Variants in WDR49 observed in about 807,000 individuals in gnomAD.
The protein encoded by WDR49 is WD repeat domain 49.
A neutral mutation model predicts 119.5 loss-of-function variants in WDR49; 107 were observed. The ratio of observed to expected loss-of-function variants is 0.90; its 90% CI spans 0.77 to 1.05. WDR49 has a LOEUF of 1.05. WDR49 is among the 50% of genes least tolerant of loss of function. WDR49 has a pLI of 0.00. For synonymous variants in WDR49, 425 were observed against 418.8 expected (o/e 1.01, Z -0.18); for missense variants, 1,240 against 1,220.5 (o/e 1.02, Z -0.24).
At chr3:167,565,097 G>A (rs750947192) in intron 8 of WDR49, among the ~76,000 whole-genome samples, 7 of 152,004 alleles carry the variant, frequency 4.6e-5, no homozygotes, top group Non-Finnish European at 8.8e-5. Context: ...CAGTGAATAG[G>A]GAGGTGAAGA....
intron 9 of WDR49, among the ~76,000 whole-genome samples, 193 bp from the exon 10 acceptor site, chr3:167,554,991 T>C (rs1313308950): frequency 6.6e-6 from 1 of 152,128 alleles, no homozygotes; most frequent in African/African-American, 2.4e-5. Flanking sequence ...CACAATAACT[T>C]TTAAAATCCT....
chr3:167,565,063 A>G (rs1713515488), intron 8 of WDR49, among the ~76,000 whole-genome samples: 1 of 152,136 alleles, frequency 6.6e-6, no homozygotes, highest in African/African-American at 2.4e-5. Context: ...TCCATTTTGT[A>G]GAAAATCTCT....
At chr3:167,571,249 G>A (rs986680835) in intron 8 of WDR49, among the ~76,000 whole-genome samples, 17 of 152,006 alleles carry the variant, frequency 1.1e-4, no homozygotes, top group Non-Finnish European at 2.4e-4. Flanking sequence ...CATGCTTCTG[G>A]ATTATGAAAA....
chr3:167,506,871 A>G (rs1751790464), intron 16 of WDR49, among the ~76,000 whole-genome samples: 1 of 152,110 alleles, frequency 6.6e-6, no homozygotes, highest in South Asian at 2.1e-4. Flanking sequence ...TTTTTTTGGT[A>G]GAATATCCCT....
chr3:167,615,235 G>A (rs959358894), intron 5 of WDR49, among the ~76,000 whole-genome samples: 2 of 152,080 alleles, frequency 1.3e-5, no homozygotes, highest in Admixed American at 1.3e-4. Flanking sequence ...CCTGGGCTCA[G>A]GTGATCCTCC....
intron 2 of WDR49, among the ~76,000 whole-genome samples, chr3:167,639,800 G>T (rs1434652369): frequency 6.6e-6 from 1 of 151,634 alleles, no homozygotes. Context: ...TCATTCTTTT[G>T]TTCTGCCATC....
chr3:167,557,727 T>C (rs1713018949), intron 9 of WDR49, among the ~76,000 whole-genome samples: 1 of 137,380 alleles, frequency 7.3e-6, no homozygotes, highest in East Asian at 2.0e-4. Flanking sequence ...CACTGCAGCC[T>C]GGGCAACAGA....
At position 167,602,122 on chromosome 3, in the gene WDR49, C is replaced by T; in HGVS notation, c.1275+5G>A. 6.3e-7 allele frequency: 1 copy of T among 1,582,830 alleles called. No homozygotes were observed. On this transcript the variant is annotated splice_donor_5th_base_variant and intron_variant, in intron 7 of 18. Transcript: ENST00000682715. ...TAAATTAATTAAAAGCACAATGTTACTTACTTTATCCTTGGAGAAGCTGAA... is the reference window on the plus strand; with the variant it reads ...TAAATTAATTAAAAGCACAATGTTATTTACTTTATCCTTGGAGAAGCTGAA...
At chr3:167,529,418 T>A (rs1222628030) in intron 13 of WDR49, among the ~76,000 whole-genome samples, 179 bp from the exon 14 acceptor site, 1 of 152,108 alleles carries the variant, frequency 6.6e-6, no homozygotes, top group Non-Finnish European at 1.5e-5. Flanking sequence ...TATGATAACC[T>A]CACTGGTTTG....
At chr3:167,608,230 A>G (rs1716156446) in intron 5 of WDR49, among the ~76,000 whole-genome samples, 1 of 152,234 alleles carries the variant, frequency 6.6e-6, no homozygotes, top group Non-Finnish European at 1.5e-5. Flanking sequence ...TCAGTAAGGC[A>G]ATATTATAAG....
At chr3:167,541,092 G>A (rs986963071) in intron 10 of WDR49, among the ~76,000 whole-genome samples, 1 of 152,000 alleles carries the variant, frequency 6.6e-6, no homozygotes, top group Non-Finnish European at 1.5e-5. Context: ...GTGTTCCTGA[G>A]GAAGAAGATA....
intron 7 of WDR49, among the ~76,000 whole-genome samples, chr3:167,597,585 A>G (rs537780449): frequency 6.6e-6 from 1 of 151,832 alleles, no homozygotes; most frequent in East Asian, 2.0e-4. Context: ...AGCCACACAC[A>G]CTCAACACCA....
At chr3:167,485,678 T>C (rs1750893738) in intron 18 of WDR49, among the ~76,000 whole-genome samples, 1 of 152,112 alleles carries the variant, frequency 6.6e-6, no homozygotes, top group Non-Finnish European at 1.5e-5. Flanking sequence ...ACTCAAAGAC[T>C]GGTTCTTCAA....
chr3:167,536,734 C>T (rs866257320), intron 11 of WDR49, 136 bp downstream of exon 11: 1,459 of 133,444 alleles, frequency 0.011, 1 homozygote, highest in Non-Finnish European at 0.015. Context: ...TATATATATA[C>T]ACACACACAC....
At chr3:167,534,758 C>A (rs1333208948) in intron 11 of WDR49, among the ~76,000 whole-genome samples, 1 of 152,112 alleles carries the variant, frequency 6.6e-6, no homozygotes, top group Non-Finnish European at 1.5e-5. Flanking sequence ...AATGATACAA[C>A]AATTTTTCAT....
intron 8 of WDR49, among the ~76,000 whole-genome samples, chr3:167,574,150 G>T (rs1433394671): frequency 6.6e-6 from 1 of 152,094 alleles, no homozygotes; most frequent in African/African-American, 2.4e-5. Flanking sequence ...ATGAGCACCT[G>T]TCCAACAATC....
intron 16 of WDR49, among the ~76,000 whole-genome samples, chr3:167,512,165 A>G (rs1312633029): frequency 1.3e-5 from 2 of 152,188 alleles, no homozygotes; most frequent in African/African-American, 4.8e-5. Flanking sequence ...TGAGACCTCC[A>G]AACAGGGGTC....
At chr3:167,520,079 A>ATG (rs146681932) in intron 16 of WDR49, among the ~76,000 whole-genome samples, 29,085 of 149,120 alleles carry the variant, frequency 0.2, 2,890 homozygotes, top group African/African-American at 0.26. Context: ...AAAGAAAAAA[A>ATG]TGTGTGTGTG....
At chr3:167,626,570 A>C (rs1322376991) in intron 3 of WDR49, among the ~76,000 whole-genome samples, 1 of 152,022 alleles carries the variant, frequency 6.6e-6, no homozygotes, top group Non-Finnish European at 1.5e-5. Flanking sequence ...TCTCAGCTCC[A>C]CATACAGATC....
Sources: allele counts gnomAD v4.1 joint callset (sites outside exome capture counted in the v4.1 genomes callset), GRCh38; gene constraint gnomAD v4.1.1; transcripts MANE v1.5; gene names NCBI Gene and HGNC (gene_info 2026-07-23, HGNC 2026-07-21).